CHD1: variants seen among roughly 807,000 people sequenced by gnomAD.
CHD1 encodes ATP-dependent chromatin remodeler CHD1.
In CHD1, 36 loss-of-function variants were observed where a neutral mutation model predicts 224.2. The ratio of observed to expected loss-of-function variants is 0.16; its 90% CI spans 0.12 to 0.21. The LOEUF (loss-of-function observed/expected upper bound fraction) is 0.21. CHD1 is among the 10% of genes least tolerant of loss of function. CHD1 has a pLI of 1.00. For missense variants in CHD1, 1,378 were observed against 1,994.8 expected (o/e 0.69, Z 5.89); for synonymous variants, 668 against 658.3 (o/e 1.01, Z -0.23).
intron 18 of CHD1, among the ~76,000 whole-genome samples, chr5:98,884,235 A>G (rs1750473871): frequency 3.3e-5 from 5 of 151,638 alleles, no homozygotes; most frequent in Admixed American, 2.0e-4. Flanking sequence ...CACTACGCCC[A>G]GCTAATTTTT....
intron 2 of CHD1, among the ~76,000 whole-genome samples, chr5:98,919,757 G>A (rs1177439125): frequency 6.6e-6 from 1 of 152,126 alleles, no homozygotes; most frequent in African/African-American, 2.4e-5. Flanking sequence ...ACAGACGTAA[G>A]GATACAGAAA....
chr5:98,907,276 T>C (rs1055668613), intron 2 of CHD1, among the ~76,000 whole-genome samples: 2 of 152,210 alleles, frequency 1.3e-5, no homozygotes, highest in East Asian at 1.9e-4. Flanking sequence ...TATTGAGTTG[T>C]TCTTTAGTAC....
At position 98,856,573 on chromosome 5, in the gene CHD1, G is replaced by C. The variant is rs368457831; in HGVS notation, c.4940C>G (p.Ser1647Cys). 2 of 1,613,808 alleles carry C rather than the reference G, an allele frequency of 1.2e-6. No individual in the cohort carries two copies. The highest frequency in any genetic ancestry group is 1.7e-6 in the Non-Finnish European group (2 of 1,179,796). ...GGAAGATTTATGGTGCGTATATTCA[G>C]AACTTGACCGGTGGTCTGAATGTAA... is the stretch of plus-strand genomic sequence containing the variant. ...HRLHSDHRSS[S>C]EYTHHKSSRD... The change falls in exon 36 of 36, where the codon TCT becomes TGT. Residue 1647 changes from serine (S) to cysteine (C), a missense_variant. Ser to Cys is a moderately radical substitution (Grantham distance 112, BLOSUM62 -1). Transcript: ENST00000614616.
At chr5:98,860,098 G>A (rs763299346) in intron 32 of CHD1, 30 bp from the exon 33 acceptor site, 10 of 1,229,546 alleles carry the variant, frequency 8.1e-6, no homozygotes, top group Admixed American at 7.4e-5. Flanking sequence ...GGCAAATTAA[G>A]TTAGTCTGGT....
intron 2 of CHD1, among the ~76,000 whole-genome samples, chr5:98,918,839 T>C (rs1467675971): frequency 6.6e-6 from 1 of 152,096 alleles, no homozygotes; most frequent in East Asian, 1.9e-4. Flanking sequence ...CAAACTACAT[T>C]TCTCATCATT....
chr5:98,927,476 G>A (rs571250516), intron 1 of CHD1, among the ~76,000 whole-genome samples: 4 of 152,216 alleles, frequency 2.6e-5, no homozygotes, highest in African/African-American at 7.2e-5. Flanking sequence ...CATTCCACAA[G>A]AGAGGGAGGG....
At chr5:98,896,490 C>T in intron 11 of CHD1, 48 bp from the exon 12 acceptor site, 1 of 1,315,504 alleles carries the variant, frequency 7.6e-7, no homozygotes, top group East Asian at 2.3e-5. Context: ...TTCAAATATA[C>T]AAAGAAACCT....
chr5:98,904,773 G>C, intron 3 of CHD1, 124 bp downstream of exon 3: 1 of 887,090 alleles, frequency 1.1e-6, no homozygotes, highest in Non-Finnish European at 1.8e-6. Context: ...ATCACTAAAA[G>C]TAAATTTTAA....
In CHD1 at chr5:98,856,450, C is replaced by G. The variant is rs191444273; in HGVS notation, c.5063G>C (p.Arg1688Thr). ...PLDQRSPYGS[R>T]SPFEHSVEHK... ...TTCAACTGAATGTTCAAATGGAGAT[C>G]TGGAGCCATAAGGAGATCTCTGATC... Residue 1688 changes from arginine (R) to threonine (T), a missense_variant, in exon 36 of 36, where the codon AGA (arginine) becomes ACA (threonine). Arg to Thr is a moderately conservative substitution (Grantham distance 71). Transcript: ENST00000614616. The G allele has an allele frequency of 3.1e-6, 5 of 1,601,748 alleles. No homozygotes were observed. In the South Asian group the frequency reaches 4.4e-5, roughly 14 times the overall value.
rs766557277 is a variant in CHD1 at position 98,901,279 on chromosome 5, T to C, written c.494A>G (p.Glu165Gly). Reference sequence around the variant, plus strand: ...GCTTTTCTCTCTCTCTTCTTCAGATTCTGAATCTGAACCAGACTGAGATGG... The same window carrying C: ...GCTTTTCTCTCTCTCTTCTTCAGATCCTGAATCTGAACCAGACTGAGATGG... ...GSPSQSGSDS[E>G]SEEEREKSSC... is the part of the protein sequence containing the mutation. The change falls in exon 6 of 36, where the codon GAA (glutamate) becomes GGA (glycine). Residue 165 changes from glutamate to glycine, a missense_variant. Physicochemically the swap from Glu to Gly is moderately conservative, Grantham distance 98 (BLOSUM62 -2). This residue lies in a region of CHD1 where 306 missense variants were observed against 298.1 expected (regional missense o/e 1.03). Coordinates refer to ENST00000614616, the MANE Select transcript of CHD1 (RefSeq NM_001270.4). 2.5e-6 allele frequency: 4 copies of C among 1,613,922 alleles called. No homozygotes were observed. The highest frequency in any genetic ancestry group is 3.4e-6 in the Non-Finnish European group (4 of 1,179,948).
At chr5:98,857,998 T>A (rs552093448) in intron 35 of CHD1, among the ~76,000 whole-genome samples, 182 bp downstream of exon 35, 1 of 152,244 alleles carries the variant, frequency 6.6e-6, no homozygotes, top group Non-Finnish European at 1.5e-5. Flanking sequence ...AAAATCCATT[T>A]TATAGAGAAA....
chr5:98,916,843 G>A (rs1752766287), intron 2 of CHD1, among the ~76,000 whole-genome samples: 1 of 151,934 alleles, frequency 6.6e-6, no homozygotes, highest in South Asian at 2.1e-4. Flanking sequence ...TTCTAAAACT[G>A]GAATAGATAA....
intron 2 of CHD1, among the ~76,000 whole-genome samples, chr5:98,922,078 G>A (rs1753133282): frequency 6.6e-6 from 1 of 152,094 alleles, no homozygotes; most frequent in Non-Finnish European, 1.5e-5. Flanking sequence ...CCAGAACACA[G>A]GAGACGGAGG....
At chr5:98,876,811 C>A (rs1904160) in intron 23 of CHD1, among the ~76,000 whole-genome samples, 7,803 of 152,218 alleles carry the variant, frequency 0.051, 270 homozygotes, top group Non-Finnish European at 0.08. Context: ...AACCTCTAGG[C>A]ATTTTTCCTG....
chr5:98,900,642 C>T (rs1040286393), intron 7 of CHD1, among the ~76,000 whole-genome samples, 169 bp downstream of exon 7: 1 of 151,870 alleles, frequency 6.6e-6, no homozygotes, highest in African/African-American at 2.4e-5. Context: ...GGTTTTGCCA[C>T]GTTGGCCAGG....
At chr5:98,859,088 T>C in intron 33 of CHD1, 73 bp from the exon 34 acceptor site, 1 of 1,100,188 alleles carries the variant, frequency 9.1e-7, no homozygotes, top group Non-Finnish European at 1.3e-6. Flanking sequence ...AGATAATTCT[T>C]AGAAAATACT....
intron 11 of CHD1, among the ~76,000 whole-genome samples, chr5:98,896,791 TAAA>T (rs34014975): frequency 6.2e-5 from 9 of 145,118 alleles, no homozygotes; most frequent in Non-Finnish European, 1.1e-4. Context: ...GAACACAGAT[TAAA>T]AAAAAAAACT....
At chr5:98,871,554 A>G (rs775775384) in intron 28 of CHD1, among the ~76,000 whole-genome samples, 2 of 152,036 alleles carry the variant, frequency 1.3e-5, no homozygotes, top group Non-Finnish European at 2.9e-5. Flanking sequence ...TGGAAGAAAT[A>G]AGACCTAGTG....
intron 3 of CHD1, 24 bp from the exon 4 acceptor site, chr5:98,903,932 G>A: frequency 7.0e-7 from 1 of 1,433,254 alleles, no homozygotes. Flanking sequence ...ATAAACCAGT[G>A]AATGAAGAAG....
Sources: allele counts gnomAD v4.1 joint callset (sites outside exome capture counted in the v4.1 genomes callset), GRCh38; gene constraint gnomAD v4.1.1; regional missense constraint gnomAD v4.1.1; transcripts MANE v1.5; gene names NCBI Gene and HGNC (gene_info 2026-07-23, HGNC 2026-07-21).